The following UNC79 variants were observed in gnomAD, a reference collection of about 807,000 sequenced individuals.
UNC79 encodes unc-79 subunit of NALCN channel complex, also known as protein unc-79 homolog.
UNC79 carries 37 observed loss-of-function variants against 283.1 expected under a neutral mutation model. That is an observed-to-expected ratio of 0.13 (90% CI 0.10 to 0.17). UNC79 has a LOEUF of 0.17. UNC79 is among the 10% of genes least tolerant of loss of function. UNC79 has a pLI of 1.00. For missense variants in UNC79, 2,272 were observed against 3,211.1 expected (o/e 0.71, Z 7.07); for synonymous variants, 1,107 against 1,200.2 (o/e 0.92, Z 1.61).
chr14:93,375,626 C>T (rs2054539877), intron 1 of UNC79, among the ~76,000 whole-genome samples: 3 of 152,224 alleles, frequency 2.0e-5, no homozygotes, highest in African/African-American at 7.2e-5. Context: ...CCTCAGGAAA[C>T]TTCCAGTCAT....
chr14:93,404,741 ACTC>A (rs1466876143), intron 1 of UNC79, among the ~76,000 whole-genome samples: 1 of 151,112 alleles, frequency 6.6e-6, no homozygotes, highest in African/African-American at 2.4e-5. Flanking sequence ...AAAAGATTCA[ACTC>A]CTCTCTTAAT....
intron 1 of UNC79, among the ~76,000 whole-genome samples, chr14:93,444,513 T>C (rs1221497568): frequency 6.6e-6 from 1 of 152,168 alleles, no homozygotes; most frequent in Non-Finnish European, 1.5e-5. Context: ...TAAACCAATG[T>C]CACAAAGATT....
rs182089886 is a variant in UNC79, at chr14:93,364,248, C to A, written c.-351+30725C>A. Among the ~76,000 whole-genome samples, 553 of 152,254 alleles carry A rather than the reference C, an allele frequency of 3.6e-3. 5 individuals are homozygous for A. The highest frequency in any genetic ancestry group is 0.013 in the African/African-American group (531 of 41,538). ...ACCCAAAAAGACCTTCTTGTGCCCTCTTCTATTCATTAGCCCCCTAAAGAT... is the reference window on the plus strand; with the variant it reads ...ACCCAAAAAGACCTTCTTGTGCCCTATTCTATTCATTAGCCCCCTAAAGAT... On this transcript the variant is annotated intron_variant, in intron 1 of 49. Coordinates refer to the UNC79 transcript ENST00000256339.
intron 41 of UNC79, among the ~76,000 whole-genome samples, chr14:93,681,279 T>TA (rs1450010562): frequency 2.2e-4 from 34 of 152,344 alleles, no homozygotes; most frequent in African/African-American, 8.2e-4. Context: ...TACATATACT[T>TA]ACGTGCTTTC....
chr14:93,665,195 TAAAA>T (rs1298484581), intron 40 of UNC79, among the ~76,000 whole-genome samples: 1 of 146,650 alleles, frequency 6.8e-6, no homozygotes. Context: ...GAAAAATAAA[TAAAA>T]TAATATAATA....
intron 11 of UNC79, among the ~76,000 whole-genome samples, chr14:93,537,150 T>C (rs1238513908): frequency 5.9e-5 from 9 of 152,196 alleles, no homozygotes; most frequent in African/African-American, 2.2e-4. Context: ...AGACATTGAC[T>C]ATGTGGTGGT....
At chr14:93,442,538 A>G (rs1282098602) in intron 1 of UNC79, among the ~76,000 whole-genome samples, 2 of 152,194 alleles carry the variant, frequency 1.3e-5, no homozygotes, top group Non-Finnish European at 2.9e-5. Context: ...TATAAAGTTG[A>G]TAACATTCAG....
At chr14:93,449,587 C>T (rs995242073) in intron 1 of UNC79, among the ~76,000 whole-genome samples, 1 of 151,118 alleles carries the variant, frequency 6.6e-6, no homozygotes, top group African/African-American at 2.4e-5. Flanking sequence ...CACTGCGCTC[C>T]AGCCTGGGCA....
intron 1 of UNC79, among the ~76,000 whole-genome samples, chr14:93,434,368 G>A (rs936295112): frequency 1.4e-4 from 21 of 152,132 alleles, no homozygotes; most frequent in South Asian, 4.1e-4. Context: ...TTGCAGAAGA[G>A]TTAAATTTTT....
intron 30 of UNC79, 70 bp from the exon 33 acceptor site, chr14:93,630,731 G>T (rs150903890): frequency 0.017 from 20,691 of 1,218,788 alleles, 264 homozygotes; most frequent in South Asian, 0.035. Context: ...AGAGGTAAAA[G>T]ATATAGAAAA....
chr14:93,532,601 G>T, intron 11 of UNC79, 23 bp downstream of exon 11: 2 of 1,609,300 alleles, frequency 1.2e-6, no homozygotes, highest in Non-Finnish European at 1.7e-6. Context: ...CATTTGTGTC[G>T]TTGGGGCATG....
chr14:93,368,128 A>G (rs1033810662), intron 1 of UNC79, among the ~76,000 whole-genome samples: 4 of 152,194 alleles, frequency 2.6e-5, no homozygotes, highest in African/African-American at 9.7e-5. Flanking sequence ...TTCATTTTGC[A>G]GTCATTGCAT....
intron 48 of UNC79, 110 bp downstream of exon 51, chr14:93,704,776 G>T: frequency 5.1e-6 from 7 of 1,368,394 alleles, no homozygotes; most frequent in African/African-American, 1.4e-5. Context: ...AATTCAACCT[G>T]CTCCTGGCCT....
At chr14:93,650,638 G>C (rs778265911) in intron 35 of UNC79, among the ~76,000 whole-genome samples, 1 of 152,056 alleles carries the variant, frequency 6.6e-6, no homozygotes, top group Non-Finnish European at 1.5e-5. Flanking sequence ...TAATTGGGTT[G>C]TTGTCTTTTT....
Position 93,686,464 on chromosome 14 carries a change from C to T in UNC79, c.6820-108C>T, listed in dbSNP as rs987485364. 2.5e-6 allele frequency: 3 copies of T among 1,177,742 alleles called. No individual in the cohort carries two copies. The African/African-American group carries it at 4.5e-5, about 18-fold the overall frequency. 73.0% of individuals were successfully genotyped at this position (1,177,742 alleles called of 1,614,324 possible). A position where few individuals can be genotyped will look rare whatever the true frequency, so the allele number is the denominator to read the frequency against. ...GAGAGTAATGGAGTGAGTCAGAAAT[C>T]CAGAAAGTAAAACGACTCCTTAGTA... On this transcript the variant is annotated intron_variant, in intron 42 of 48. Coordinates refer to ENST00000555664, the Ensembl canonical transcript of UNC79.
chr14:93,575,116 A>C, exon 17 of UNC79: 2 of 1,613,868 alleles, frequency 1.2e-6, no homozygotes, highest in South Asian at 2.2e-5. Flanking sequence ...ATGTTTTCTG[A>C]TGGAGTTAAT....
rs757658326 is a variant in UNC79 at position 93,662,682 on chromosome 14, C to G, written c.6604C>G (p.Leu2202Val). 99 of 1,611,366 alleles carry G rather than the reference C, an allele frequency of 6.1e-5. No homozygotes were observed. Among genetic ancestry groups the G allele is most frequent in the Non-Finnish European group, 7.4e-5 (87 of 1,178,342 alleles). ...CTTCACTCTGGCCTACCTGGTGGAG[C>G]TGTGTGGCTTATGTTACCGAGCTTT... Residue 2202 changes from leucine to valine, a missense_variant, in exon 40 of 49, where the codon CTG becomes GTG. Leu to Val is a conservative substitution (Grantham distance 32). This residue lies in a region of UNC79 where 287 missense variants were observed against 446.4 expected (regional missense o/e 0.64). Transcript: ENST00000555664.
chr14:93,647,407 G>C (rs2069733272), intron 35 of UNC79, among the ~76,000 whole-genome samples: 1 of 152,188 alleles, frequency 6.6e-6, no homozygotes, highest in African/African-American at 2.4e-5. Context: ...CCCGGAGCTG[G>C]TGTTTTAGAT....
chr14:93,601,090 A>T (rs1379215014), intron 25 of UNC79, among the ~76,000 whole-genome samples: 1 of 151,876 alleles, frequency 6.6e-6, no homozygotes, highest in Non-Finnish European at 1.5e-5. Context: ...CACCTTGCAA[A>T]CTCACTCTTG....
Sources: allele counts gnomAD v4.1 joint callset (sites outside exome capture counted in the v4.1 genomes callset), GRCh38; gene constraint gnomAD v4.1.1; regional missense constraint gnomAD v4.1.1; transcripts MANE v1.5; gene names NCBI Gene and HGNC (gene_info 2026-07-23, HGNC 2026-07-21).